CSMD1: variants seen among roughly 807,000 people sequenced by gnomAD.
The protein encoded by CSMD1 is CUB and sushi domain-containing protein 1.
In CSMD1, 213 loss-of-function variants were observed where a neutral mutation model predicts 417.5. The ratio of observed to expected loss-of-function variants is 0.51; its 90% confidence interval spans 0.46 to 0.57. The LOEUF (loss-of-function observed/expected upper bound fraction) is 0.57. Ranked by LOEUF, CSMD1 falls within the 20% of genes least tolerant of loss-of-function variation. The pLI, the probability that CSMD1 is intolerant of heterozygous loss-of-function variation, is 0.00. For synonymous variants in CSMD1, 2,862 were observed against 1,736.8 expected (o/e 1.65, Z -16.11); for missense variants, 6,923 against 4,529.7 (o/e 1.53, Z -15.17).
intron 7 of CSMD1, among the ~76,000 whole-genome samples, chr8:3,663,451 C>T (rs192852773): frequency 9.9e-5 from 15 of 152,140 alleles, no homozygotes; most frequent in African/African-American, 3.1e-4. Context: ...ATTCAGACAT[C>T]GATTTGATAG....
chr8:2,942,827 A>T (rs925429180), intron 68 of CSMD1, among the ~76,000 whole-genome samples: 3 of 152,216 alleles, frequency 2.0e-5, no homozygotes, highest in African/African-American at 7.2e-5. Flanking sequence ...ACTATGAAAG[A>T]GTCTCAACAT....
intron 4 of CSMD1, among the ~76,000 whole-genome samples, chr8:4,011,692 A>T (rs2740950): frequency 0.62 from 94,024 of 152,044 alleles, 29,336 homozygotes; most frequent in East Asian, 0.68. Context: ...AATAATTAGA[A>T]AGTCACAAGA....
At chr8:4,355,669 C>G (rs1021789340) in intron 3 of CSMD1, among the ~76,000 whole-genome samples, 1 of 152,174 alleles carries the variant, frequency 6.6e-6, no homozygotes, top group South Asian at 2.1e-4. Context: ...ATAAAACCTC[C>G]AAAGCCTACA....
intron 26 of CSMD1, among the ~76,000 whole-genome samples, chr8:3,238,485 G>T (rs1016812016): frequency 1.3e-5 from 2 of 152,050 alleles, no homozygotes; most frequent in Non-Finnish European, 2.9e-5. Flanking sequence ...TTTGGGGGTG[G>T]TATGGAGACA....
intron 5 of CSMD1, among the ~76,000 whole-genome samples, chr8:3,803,119 T>C (rs918997869): frequency 2.0e-5 from 3 of 152,198 alleles, no homozygotes; most frequent in African/African-American, 7.2e-5. Flanking sequence ...CATCATGCTG[T>C]CTCTTTGAAG....
intron 1 of CSMD1, among the ~76,000 whole-genome samples, chr8:4,650,256 A>C (rs1416054026): frequency 6.7e-6 from 1 of 149,412 alleles, no homozygotes; most frequent in Non-Finnish European, 1.5e-5. Flanking sequence ...GAGGCAGGAG[A>C]ATGGCGTGAA....
chr8:3,388,743 C>G (rs1811160882), intron 17 of CSMD1, among the ~76,000 whole-genome samples: 1 of 152,170 alleles, frequency 6.6e-6, no homozygotes, highest in Admixed American at 6.5e-5. Flanking sequence ...TGTAACTGTC[C>G]TTGCTGCTGC....
At chr8:3,577,426 T>G (rs1026799766) in intron 9 of CSMD1, among the ~76,000 whole-genome samples, 1 of 152,200 alleles carries the variant, frequency 6.6e-6, no homozygotes, top group Admixed American at 6.5e-5. Context: ...TTTAGAAATC[T>G]CTGTCCGTCT....
At chr8:3,828,039 A>G (rs1802154449) in intron 5 of CSMD1, among the ~76,000 whole-genome samples, 1 of 152,200 alleles carries the variant, frequency 6.6e-6, no homozygotes, top group South Asian at 2.1e-4. Flanking sequence ...TTTGTGTGTG[A>G]TATACTCCAC....
chr8:3,025,206 G>A lies in CSMD1; in HGVS notation c.7855+4113C>T, dbSNP rs1053821147. On this transcript the variant is annotated intron_variant, in intron 51 of 69. Coordinates refer to ENST00000635120, the MANE Select transcript of CSMD1 (RefSeq NM_033225.6). ...ACCGTGTATTGTGTGGTGTTATTCT[G>A]AAACTGTGTATTGTGTGGTGTTATT... is the stretch of plus-strand genomic sequence containing the variant. 3.8e-3 allele frequency among the ~76,000 whole-genome samples: 537 copies of A among 142,152 alleles called. 9 individuals are homozygous for A. The highest frequency in any genetic ancestry group is 0.015 in the African/African-American group (518 of 35,408). The allele number at this position is 142,152 out of a possible 152,430, so 93.3% of individuals were successfully genotyped here.
intron 5 of CSMD1, among the ~76,000 whole-genome samples, chr8:3,931,302 A>G (rs573250936): frequency 1.3e-5 from 2 of 150,586 alleles, no homozygotes; most frequent in Admixed American, 6.6e-5. Flanking sequence ...GAAATTTTCA[A>G]ATAAAATATT....
chr8:4,356,341 C>CAT (rs1338578854), intron 3 of CSMD1, among the ~76,000 whole-genome samples: 10 of 151,908 alleles, frequency 6.6e-5, no homozygotes, highest in African/African-American at 9.7e-5. Flanking sequence ...CACACACACA[C>CAT]ACACACACCA....
intron 1 of CSMD1, among the ~76,000 whole-genome samples, chr8:4,727,725 C>A (rs904747615): frequency 2.6e-5 from 4 of 151,086 alleles, no homozygotes; most frequent in African/African-American, 9.9e-5. Context: ...AGTAATCTTC[C>A]TCTTTCCTCT....
chr8:4,101,041 T>G (rs1458748492), intron 3 of CSMD1, among the ~76,000 whole-genome samples: 1 of 152,160 alleles, frequency 6.6e-6, no homozygotes, highest in Non-Finnish European at 1.5e-5. Context: ...TGCAGAATGA[T>G]GCAAAGGCAG....
Position 4,593,398 on chromosome 8 carries a change from T to C in CSMD1, c.302+43944A>G, listed in dbSNP as rs571753092. Among the ~76,000 whole-genome samples, 72 of 152,336 alleles carry C rather than the reference T, an allele frequency of 4.7e-4. No individual in the cohort carries two copies. In the South Asian group the frequency reaches 8.3e-3, roughly 18 times the overall value. ...AGCATAATAATTTTAGTGCTAATTA[T>C]GTATTTTTGGCATAATGTTTCATTC... is the stretch of plus-strand genomic sequence containing the variant. On this transcript the variant is annotated intron_variant, in intron 2 of 69. Coordinates refer to ENST00000635120, the MANE Select transcript of CSMD1 (RefSeq NM_033225.6).
At position 4,633,933 on chromosome 8, in the gene CSMD1, C is replaced by G. The variant is rs116618573; in HGVS notation, c.302+3409G>C. Among the ~76,000 whole-genome samples, 671 of 149,502 alleles carry G rather than the reference C, an allele frequency of 4.5e-3. 1 individual carries two copies. Among genetic ancestry groups the G allele is most frequent in the African/African-American group, 0.015 (623 of 40,512 alleles). On this transcript the variant is annotated intron_variant, in intron 2 of 69. Coordinates refer to ENST00000635120, the MANE Select transcript of CSMD1 (RefSeq NM_033225.6). ...TTGGACCTTACTGGAGACTGGGAAGCAAGAGGAAATGCAGAGTCAATAAAG... is the reference window on the plus strand; with the variant it reads ...TTGGACCTTACTGGAGACTGGGAAGGAAGAGGAAATGCAGAGTCAATAAAG...
Position 4,761,384 on chromosome 8 carries a change from G to A in CSMD1, c.86-123826C>T, listed in dbSNP as rs73177524. Among the ~76,000 whole-genome samples the A allele has an allele frequency of 8.7e-3, 777 of 89,546 alleles. 4 individuals carry two copies. The highest frequency in any genetic ancestry group is 0.028 in the African/African-American group (699 of 24,686). The allele number at this position is 89,546 out of a possible 152,430, so 58.7% of individuals were successfully genotyped here. ...ATCGTGTTACTTGGTGTGTGTGTGT[G>A]TATATATATATATACACACATATAT... On this transcript the variant is annotated intron_variant, in intron 1 of 69. Coordinates refer to ENST00000635120, the MANE Select transcript of CSMD1 (RefSeq NM_033225.6).
At chr8:4,772,208 G>A (rs7002083) in intron 1 of CSMD1, among the ~76,000 whole-genome samples, 1,780 of 152,204 alleles carry the variant, frequency 0.012, 37 homozygotes, top group African/African-American at 0.04. Context: ...ATCATTCTCT[G>A]CTTCCAGCAG....
intron 1 of CSMD1, among the ~76,000 whole-genome samples, chr8:4,923,978 G>A (rs1451534847): frequency 6.6e-6 from 1 of 152,160 alleles, no homozygotes; most frequent in South Asian, 2.1e-4. Flanking sequence ...ATCATCCTTT[G>A]ATAGTTTAAG....
Sources: gnomAD v4.1 joint callset for allele counts (sites outside exome capture counted in the v4.1 genomes callset) on GRCh38, gnomAD v4.1.1 for gene constraint, MANE v1.5 for transcripts, NCBI Gene and HGNC (gene_info 2026-07-23, HGNC 2026-07-21) for gene names.